ELAVL4: variants seen among roughly 807,000 people sequenced by gnomAD.
ELAVL4 encodes ELAV like RNA binding protein 4.
Under a neutral mutation model 35.6 loss-of-function variants are expected in ELAVL4, and 1 was observed. That is an observed-to-expected ratio of 0.03 (90% CI 0.01 to 0.13). ELAVL4 has a LOEUF of 0.13. Ranked by LOEUF, ELAVL4 falls within the 10% of genes least tolerant of loss-of-function variation. ELAVL4 has a pLI of 1.00. For synonymous variants in ELAVL4, 156 were observed against 171.0 expected (o/e 0.91, Z 0.69); for missense variants, 267 against 464.9 (o/e 0.57, Z 3.91).
chr1:50,104,098 G>A, upstream of ELAVL4: 1 of 1,362,744 alleles, frequency 7.3e-7, no homozygotes, highest in Non-Finnish European at 1.0e-6. Context: ...AAGACTATGG[G>A]TCCTTAAAAA....
intron 1 of ELAVL4, chr1:50,109,930 T>C (rs1163309165): frequency 6.2e-7 from 1 of 1,612,396 alleles, no homozygotes; most frequent in East Asian, 2.2e-5. Flanking sequence ...TCCATCTTCT[T>C]CTGATCACAG....
At chr1:50,144,751 C>A in intron 1 of ELAVL4, 1 of 788,992 alleles carries the variant, frequency 1.3e-6, no homozygotes, top group Non-Finnish European at 2.2e-6. Context: ...TGTTCAAAAT[C>A]TATGGGCTGG....
intron 1 of ELAVL4, among the ~76,000 whole-genome samples, chr1:50,052,564 C>A (rs1427051819): frequency 1.3e-5 from 2 of 152,138 alleles, no homozygotes; most frequent in African/African-American, 4.8e-5. Context: ...CTTTCATACC[C>A]CCTTGTCATT....
At chr1:50,179,303 A>G (rs1021529621) in intron 3 of ELAVL4, among the ~76,000 whole-genome samples, 1 of 152,134 alleles carries the variant, frequency 6.6e-6, no homozygotes, top group African/African-American at 2.4e-5. Flanking sequence ...TCCTCTACAA[A>G]TGAAAATTTA....
At chr1:50,169,433 C>A (rs907930813) in intron 2 of ELAVL4, among the ~76,000 whole-genome samples, 1 of 152,116 alleles carries the variant, frequency 6.6e-6, no homozygotes, top group African/African-American at 2.4e-5. Flanking sequence ...AACTCCACCC[C>A]CTACACTGCC....
Position 50,146,662 on chromosome 1 carries a change from G to A in ELAVL4, c.250+1465G>A, listed in dbSNP as rs552973380. Among the ~76,000 whole-genome samples the A allele has an allele frequency of 4.6e-5, 7 of 152,190 alleles. 1 individual carries two copies. The highest frequency in any genetic ancestry group is 2.1e-4 in the South Asian group (1 of 4,812). ...TATCCTTAAACAGAATTTCCCATAC[G>A]TTCAGAAAGCCAATATTTAGATTCC... On this transcript the variant is annotated intron_variant, in intron 2 of 6. Coordinates refer to ENST00000371824, the MANE Select transcript of ELAVL4 (RefSeq NM_001144774.3).
At chr1:50,190,794 A>G (rs1572607549) in intron 3 of ELAVL4, among the ~76,000 whole-genome samples, 1 of 152,170 alleles carries the variant, frequency 6.6e-6, no homozygotes, top group Non-Finnish European at 1.5e-5. Flanking sequence ...TGCAGAACTA[A>G]TGGGAGTTAA....
At chr1:50,128,001 T>C (rs1223936442) in intron 1 of ELAVL4, among the ~76,000 whole-genome samples, 1 of 151,892 alleles carries the variant, frequency 6.6e-6, no homozygotes, top group Non-Finnish European at 1.5e-5. Context: ...CCCATTGGCT[T>C]TGGCTTTGGC....
intron 3 of ELAVL4, among the ~76,000 whole-genome samples, chr1:50,189,015 T>A (rs1449904171): frequency 2.0e-5 from 3 of 152,204 alleles, no homozygotes; most frequent in Non-Finnish European, 4.4e-5. Context: ...TCCCAGGGCC[T>A]GGCACATAGT....
At chr1:50,078,631 G>A (rs890292971) in intron 1 of ELAVL4, among the ~76,000 whole-genome samples, 3 of 152,122 alleles carry the variant, frequency 2.0e-5, no homozygotes, top group African/African-American at 7.2e-5. Flanking sequence ...GAGTGGAACT[G>A]GAACATTCAG....
intron 1 of ELAVL4, chr1:50,144,388 A>T (rs552412465): frequency 6.9e-5 from 18 of 259,986 alleles, no homozygotes; most frequent in Admixed American, 4.9e-5. Flanking sequence ...ACATTAGATG[A>T]CTTTGCAGCT....
At chr1:50,129,098 T>C (rs1410188365) in intron 1 of ELAVL4, among the ~76,000 whole-genome samples, 1 of 152,048 alleles carries the variant, frequency 6.6e-6, no homozygotes, top group Non-Finnish European at 1.5e-5. Context: ...TAAATTATTA[T>C]AAAAAATTAT....
chr1:50,201,182 T>C lies in ELAVL4; in HGVS notation c.*4T>C. ...CAACAAAGCCCACAAGTCCTGAATT[T>C]CCCATTCTTACTTACTAAAATATAT... On this transcript the variant is annotated 3_prime_UTR_variant, in exon 7 of 7. Transcript: ENST00000371824. This position sits in a 1 kb window ranked among gnomAD's most constrained non-coding sequence, Gnocchi z 4.3. 1 of 1,562,396 alleles carries C rather than the reference T, an allele frequency of 6.4e-7. No homozygotes were observed. The highest frequency in any genetic ancestry group is 8.6e-7 in the Non-Finnish European group (1 of 1,156,942).
Position 50,065,105 on chromosome 1 carries a change from G to T in ELAVL4, c.18+16923G>T, listed in dbSNP as rs371678801. On this transcript the variant is annotated intron_variant, in intron 1 of 6. Transcript: ENST00000448907. ...GTTGGCTGTGGAGTTACTAGACTTG[G>T]AGTTACAGCCCAACCAGTCTGCTCA... Among the ~76,000 whole-genome samples, 47 of 152,210 alleles carry T rather than the reference G, an allele frequency of 3.1e-4. 1 individual carries two copies. In the South Asian group the frequency reaches 8.3e-3, roughly 27 times the overall value.
upstream of ELAVL4, among the ~76,000 whole-genome samples, chr1:50,099,667 A>C (rs891765627): frequency 6.6e-6 from 1 of 152,146 alleles, no homozygotes; most frequent in Non-Finnish European, 1.5e-5. Context: ...TGAAGTCTGG[A>C]ATTATGTTCT....
chr1:50,200,824 A>C (rs993126359), intron 6 of ELAVL4, 27 bp from the exon 7 acceptor site: 31 of 1,604,590 alleles, frequency 1.9e-5, no homozygotes, highest in Non-Finnish European at 2.5e-5. Context: ...TGTCTGGACC[A>C]GTCCCCCCTT....
At chr1:50,095,122 G>A (rs1665665899) in intron 1 of ELAVL4, among the ~76,000 whole-genome samples, 1 of 152,110 alleles carries the variant, frequency 6.6e-6, no homozygotes, top group African/African-American at 2.4e-5. Flanking sequence ...AACAGACAAG[G>A]AGGCTTGAGT....
intron 1 of ELAVL4, among the ~76,000 whole-genome samples, chr1:50,070,717 G>A (rs570117052): frequency 2.0e-3 from 290 of 148,118 alleles, no homozygotes; most frequent in African/African-American, 7.0e-3. Flanking sequence ...CTCCAGCCTG[G>A]GTGACAGAGT....
chr1:50,198,015 T>C (rs1027880816), intron 6 of ELAVL4, among the ~76,000 whole-genome samples: 2 of 152,224 alleles, frequency 1.3e-5, no homozygotes, highest in African/African-American at 4.8e-5. Flanking sequence ...TCAGTGTGCA[T>C]TTCAGAGCAC....
Sources: allele counts gnomAD v4.1 joint callset (sites outside exome capture counted in the v4.1 genomes callset), GRCh38; gene constraint gnomAD v4.1.1; non-coding constraint Gnocchi (gnomAD v3.1); transcripts MANE v1.5; gene names NCBI Gene and HGNC (gene_info 2026-07-23, HGNC 2026-07-21).